The following NBPF26 variants were observed in gnomAD, a reference collection of about 807,000 sequenced individuals.
NBPF26 encodes the protein NBPF member 26.
NBPF26 carries 79 observed loss-of-function variants against 119.6 expected under a neutral mutation model. The observed-to-expected ratio is 0.66, with a 90% CI of 0.55 to 0.80. The LOEUF is 0.80. Among genes scored for constraint, NBPF26 ranks in the 30% least tolerant of loss-of-function variants. The pLI is 0.00. For missense variants in NBPF26, 800 were observed against 1,198.2 expected (o/e 0.67, Z 4.91); for synonymous variants, 299 against 457.7 (o/e 0.65, Z 4.43).
At position 120,817,692 on chromosome 1, in the gene NBPF26, TCA is replaced by T. The variant is rs1483358497; in HGVS notation, c.2372-428_2372-427del. On this transcript the variant is annotated intron_variant, in intron 14 of 29. Coordinates refer to ENST00000620612, the Ensembl canonical transcript of NBPF26. ...GATTCACCTGTCTTGGCCTCCCAAATCACAGATTCTTTTTAAAGCAAGAGTTG... is the reference window on the plus strand; with the variant it reads ...GATTCACCTGTCTTGGCCTCCCAAATCAGATTCTTTTTAAAGCAAGAGTTG... Among the ~76,000 whole-genome samples the T allele has an allele frequency of 9.8e-5, 8 of 82,004 alleles. 1 individual carries two copies. Among genetic ancestry groups the T allele is most frequent in the African/African-American group, 1.9e-4 (2 of 10,792 alleles). 53.8% of individuals were successfully genotyped at this position (82,004 alleles called of 152,430 possible).
At chr1:120,823,792 C>G (rs1172312547) in intron 17 of NBPF26, among the ~76,000 whole-genome samples, 182 bp from the exon 18 acceptor site, 14 of 64,340 alleles carry the variant, frequency 2.2e-4, no homozygotes, top group South Asian at 8.2e-4. Context: ...GTGTGTGTGT[C>G]TTTCATCTTT....
intron 1 of NBPF26, among the ~76,000 whole-genome samples, chr1:120,756,115 GAA>G (rs1651077658): frequency 8.8e-6 from 1 of 114,218 alleles, no homozygotes; most frequent in South Asian, 2.5e-4. Context: ...AAAATTTAGA[GAA>G]AGTTTTGTTT....
At chr1:120,752,519 AATATATATAT>A (rs1204399606) in intron 1 of NBPF26, among the ~76,000 whole-genome samples, 1 of 14,666 alleles carries the variant, frequency 6.8e-5, no homozygotes, top group Non-Finnish European at 1.0e-4. Flanking sequence ...GAAGTTCAGG[AATATATATAT>A]ATATATATAT....
intron 1 of NBPF26, among the ~76,000 whole-genome samples, chr1:120,758,146 G>T (rs1651094719): frequency 8.0e-6 from 1 of 124,500 alleles, no homozygotes; most frequent in Non-Finnish European, 1.6e-5. Flanking sequence ...AGGAAAGAGG[G>T]CATAAACTGG....
At chr1:120,820,447 AATATATATAT>A (rs1229895629) in intron 15 of NBPF26, among the ~76,000 whole-genome samples, 317 of 10,840 alleles carry the variant, frequency 0.029, 92 homozygotes, top group Middle Eastern at 0.17. Flanking sequence ...AAGTATTAAA[AATATATATAT>A]ATATATATAT....
chr1:120,788,088 C>T (rs1461408078), intron 3 of NBPF26, among the ~76,000 whole-genome samples: 4 of 62,476 alleles, frequency 6.4e-5, no homozygotes, highest in South Asian at 8.9e-4. Context: ...TTTGTAGTCC[C>T]GCCTGGATTG....
chr1:120,818,572 G>A (rs1409665543), intron 15 of NBPF26, among the ~76,000 whole-genome samples: 2 of 126,364 alleles, frequency 1.6e-5, no homozygotes, highest in African/African-American at 7.4e-5. Flanking sequence ...TAATTGTGAT[G>A]TTAGGGTGTC....
In NBPF26 at chr1:120,764,023, C is replaced by T. The variant is rs1189844142; in HGVS notation, c.155+314C>T. Among the ~76,000 whole-genome samples, 40 of 114,412 alleles carry T rather than the reference C, an allele frequency of 3.5e-4. 7 individuals are homozygous for T. The highest frequency in any genetic ancestry group is 1.9e-3 in the Admixed American group (22 of 11,796). 75.1% of individuals were successfully genotyped at this position (114,412 alleles called of 152,430 possible). On this transcript the variant is annotated intron_variant, in intron 2 of 29. Coordinates refer to ENST00000620612, the Ensembl canonical transcript of NBPF26. ...CAGCACTTCAGGAGGCTGAGTTGGG[C>T]GAATCACGAGGTCAGGAGTTCAAGA...
chr1:120,768,242 A>G (rs1189000395), intron 2 of NBPF26, among the ~76,000 whole-genome samples: 1 of 113,212 alleles, frequency 8.8e-6, no homozygotes, highest in Non-Finnish European at 1.7e-5. Context: ...GGTTCAGTGG[A>G]AAGTGTGAGG....
At chr1:120,804,741 C>G (rs1651638024) in intron 4 of NBPF26, among the ~76,000 whole-genome samples, 1 of 116,452 alleles carries the variant, frequency 8.6e-6, no homozygotes, top group East Asian at 2.1e-4. Context: ...TCAAACTGGT[C>G]TAGAATGTAA....
intron 2 of NBPF26, among the ~76,000 whole-genome samples, chr1:120,778,521 A>G (rs1651324883): frequency 1.2e-5 from 1 of 86,942 alleles, no homozygotes; most frequent in Admixed American, 1.1e-4. Context: ...GCTGTTTTGT[A>G]AAGCATGCCT....
rs1651884362 is a variant in NBPF26 at position 120,812,140 on chromosome 1, CT to C, written c.1774+46del. Reference sequence around the variant, plus strand: ...CATCACGAAAGTGATGAACGAGGTCCTGTCTTCTCTCTGAGACACTAAATGC... The same window carrying C: ...CATCACGAAAGTGATGAACGAGGTCCGTCTTCTCTCTGAGACACTAAATGC... On this transcript the variant is annotated intron_variant, in intron 10 of 29. Transcript: ENST00000620612. 8.1e-6 allele frequency: 8 copies of C among 986,336 alleles called. 2 individuals carry two copies. The highest frequency in any genetic ancestry group is 1.2e-5 in the Non-Finnish European group (8 of 670,596). The allele number at this position is 986,336 out of a possible 1,614,324, so 61.1% of individuals were successfully genotyped here. A position where few individuals can be genotyped will look rare whatever the true frequency, so the allele number is the denominator to read the frequency against.
At chr1:120,728,652 C>T (rs1650841787) in intron 1 of NBPF26, among the ~76,000 whole-genome samples, 1 of 117,298 alleles carries the variant, frequency 8.5e-6, no homozygotes, top group Non-Finnish European at 1.6e-5. Context: ...GTAATTTCAT[C>T]ATTTTGGGGA....
chr1:120,778,593 T>C (rs1651326258), intron 2 of NBPF26, among the ~76,000 whole-genome samples: 1 of 28,678 alleles, frequency 3.5e-5, no homozygotes, highest in Non-Finnish European at 5.5e-5. Context: ...TTTTTTTGAA[T>C]GGCCAAATCC....
chr1:120,790,540 CTTTCTTT>C (rs1571029805), intron 3 of NBPF26, among the ~76,000 whole-genome samples: 1 of 48,056 alleles, frequency 2.1e-5, no homozygotes, highest in East Asian at 4.6e-4. Context: ...CCCTCCCTTT[CTTTCTTT>C]CTTTCTTTCT....
Position 120,768,163 on chromosome 1 carries a change from C to G in NBPF26, c.155+4454C>G, listed in dbSNP as rs1401832466. Among the ~76,000 whole-genome samples the G allele has an allele frequency of 1.5e-4, 17 of 110,876 alleles. 3 individuals are homozygous for G. Among genetic ancestry groups the G allele is most frequent in the Non-Finnish European group, 2.2e-4 (13 of 58,928 alleles). 72.7% of individuals were successfully genotyped at this position (110,876 alleles called of 152,430 possible). The stretch of plus-strand genomic sequence containing the variant: ...TAGGGTGGGCCTACTTCTGTTCTGC[C>G]CTTAGTCCGATGACACAAATCTTAG... On this transcript the variant is annotated intron_variant, in intron 2 of 29. Transcript: ENST00000620612.
In NBPF26 at chr1:120,801,309, G is replaced by T. The variant is rs1651578557; in HGVS notation, c.752-4247G>T. Among the ~76,000 whole-genome samples, 2 of 120,308 alleles carry T rather than the reference G, an allele frequency of 1.7e-5. 1 individual carries two copies. The highest frequency in any genetic ancestry group is 4.0e-4 in the East Asian group (2 of 4,972). The allele number at this position is 120,308 out of a possible 152,430, so 78.9% of individuals were successfully genotyped here. On this transcript the variant is annotated intron_variant, in intron 4 of 29. Coordinates refer to ENST00000620612, the Ensembl canonical transcript of NBPF26. Reference sequence around the variant, plus strand: ...AGAAGTGGGGAATTGGAGAGTGACTGCCCATAGGTACAGGCATGCTTTTTG... The same window carrying T: ...AGAAGTGGGGAATTGGAGAGTGACTTCCCATAGGTACAGGCATGCTTTTTG...
intron 1 of NBPF26, among the ~76,000 whole-genome samples, chr1:120,745,266 G>A (rs1650969229): frequency 9.5e-6 from 1 of 104,972 alleles, no homozygotes; most frequent in African/African-American, 5.9e-5. Context: ...CAATTTGGTA[G>A]GTCTCCAACA....
intron 17 of NBPF26, 122 bp from the exon 18 acceptor site, chr1:120,823,852 T>A (rs1226055127): frequency 5.5e-6 from 3 of 549,686 alleles, no homozygotes; most frequent in Non-Finnish European, 6.4e-6. Flanking sequence ...ATCTGTTACC[T>A]CATTAATGGA....
Sources: gnomAD v4.1 joint callset for allele counts (sites outside exome capture counted in the v4.1 genomes callset) on GRCh38, gnomAD v4.1.1 for gene constraint, MANE v1.5 for transcripts, NCBI Gene and HGNC (gene_info 2026-07-23, HGNC 2026-07-21) for gene names.